The following OPRM1 variants were observed in gnomAD, a reference collection of about 807,000 sequenced individuals.
The protein encoded by OPRM1 is opioid receptor mu 1, also known as mu-type opioid receptor.
Under a neutral mutation model 31.8 loss-of-function variants are expected in OPRM1, and 27 were observed. The observed-to-expected ratio is 0.85, with a 90% confidence interval of 0.63 to 1.17. The LOEUF is 1.17. Ranked by LOEUF, OPRM1 falls within the 50% of genes most tolerant of loss-of-function variation. OPRM1 has a pLI of 0.00. For missense variants in OPRM1, 536 were observed against 511.1 expected (o/e 1.05, Z -0.47); for synonymous variants, 196 against 189.9 (o/e 1.03, Z -0.26).
chr6:154,159,714 T>C, intron 3 of OPRM1: 1 of 760,220 alleles, frequency 1.3e-6, no homozygotes, highest in South Asian at 1.6e-5. Context: ...GATGGGAAGC[T>C]GATGCTTGAA....
intron 3 of OPRM1, among the ~76,000 whole-genome samples, chr6:154,152,370 A>AAGAAAGAAAGAAAGAAAG (rs1798554699): frequency 4.7e-5 from 7 of 148,492 alleles, no homozygotes; most frequent in African/African-American, 1.8e-4. Context: ...GAAAGAAAGA[A>AAGAAAGAAAGAAAGAAAG]AGAAAGAAAG....
chr6:154,223,395 G>C (rs1220561489), intron 3 of OPRM1: 14 of 660,704 alleles, frequency 2.1e-5, no homozygotes, highest in Non-Finnish European at 3.5e-5. Flanking sequence ...AGGTGTCCCA[G>C]ATACACAGCT....
intron 3 of OPRM1, chr6:154,159,145 A>G (rs950737088): frequency 6.6e-6 from 1 of 152,280 alleles, no homozygotes; most frequent in African/African-American, 2.4e-5. Context: ...AGCTGTTGTA[A>G]GGAAAGGAAA....
chr6:154,223,287 C>G, intron 3 of OPRM1: 1 of 1,457,056 alleles, frequency 6.9e-7, no homozygotes, highest in Non-Finnish European at 9.6e-7. Flanking sequence ...TGCATCAATC[C>G]TGGGGATTAG....
intron 1 of OPRM1, among the ~76,000 whole-genome samples, chr6:154,046,465 T>C (rs1006293060): frequency 3.3e-5 from 5 of 152,174 alleles, no homozygotes; most frequent in African/African-American, 4.8e-5. Flanking sequence ...AAACAAAAAA[T>C]CCTGCCACTC....
chr6:154,101,949 AT>A (rs1243820796), intron 3 of OPRM1, among the ~76,000 whole-genome samples: 2 of 152,138 alleles, frequency 1.3e-5, no homozygotes, highest in South Asian at 2.1e-4. Context: ...TATTTATTTT[AT>A]TTTTTTGGAG....
At chr6:154,061,297 A>G (rs1784365311) in intron 1 of OPRM1, among the ~76,000 whole-genome samples, 1 of 152,188 alleles carries the variant, frequency 6.6e-6, no homozygotes, top group Admixed American at 6.5e-5. Context: ...CTACATGAGC[A>G]TTAAGTACTC....
At chr6:154,192,327 TGTG>T (rs1801971094) in intron 3 of OPRM1, among the ~76,000 whole-genome samples, 2 of 142,322 alleles carry the variant, frequency 1.4e-5, no homozygotes, top group Non-Finnish European at 3.0e-5. Context: ...ACTGTGTGTG[TGTG>T]TGTGTGTGTG....
At chr6:154,086,491 A>G (rs1790603324) in intron 1 of OPRM1, 2 of 649,042 alleles carry the variant, frequency 3.1e-6, no homozygotes, top group Non-Finnish European at 3.8e-6. Flanking sequence ...TTTGAAATGT[A>G]TACACATTGT....
chr6:154,219,244 G>A (rs531134258), intron 3 of OPRM1: 1 of 152,312 alleles, frequency 6.6e-6, no homozygotes, highest in Admixed American at 6.5e-5. Flanking sequence ...TGTAGGAGGA[G>A]AAATTCACTA....
intron 1 of OPRM1, among the ~76,000 whole-genome samples, chr6:154,077,032 A>G (rs1415289322): frequency 6.6e-6 from 1 of 152,156 alleles, no homozygotes; most frequent in Admixed American, 6.5e-5. Flanking sequence ...AAAAGCAGGC[A>G]AAAAAGTCCT....
chr6:154,185,240 G>A (rs1011901287), intron 3 of OPRM1, among the ~76,000 whole-genome samples: 2 of 152,112 alleles, frequency 1.3e-5, no homozygotes, highest in Non-Finnish European at 2.9e-5. Flanking sequence ...CAAGGAGGAG[G>A]GTCTTCTGTA....
At chr6:154,220,313 A>C (rs1452902971) in intron 3 of OPRM1, among the ~76,000 whole-genome samples, 2 of 152,182 alleles carry the variant, frequency 1.3e-5, no homozygotes, top group Admixed American at 1.3e-4. Flanking sequence ...TAAATCAAAG[A>C]GAATGCCCTC....
At chr6:154,192,541 C>T (rs893657442) in intron 3 of OPRM1, among the ~76,000 whole-genome samples, 3 of 151,982 alleles carry the variant, frequency 2.0e-5, no homozygotes, top group African/African-American at 7.3e-5. Context: ...AGCTTCTGCA[C>T]AGCAAAAGAA....
At chr6:154,238,930 TA>T (rs945093954) in intron 3 of OPRM1, among the ~76,000 whole-genome samples, 270 of 147,340 alleles carry the variant, frequency 1.8e-3, no homozygotes, top group African/African-American at 5.6e-3. Flanking sequence ...TTGTTTTTTT[TA>T]AAAAAAAAAA....
intron 3 of OPRM1, among the ~76,000 whole-genome samples, chr6:154,104,959 G>A (rs915436927): frequency 6.6e-6 from 1 of 152,128 alleles, no homozygotes; most frequent in African/African-American, 2.4e-5. Context: ...CTTACCATAG[G>A]TCAGAAACCC....
rs9282816 is a variant in OPRM1, at chr6:154,039,514, G to A, written c.-31G>A. On this transcript the variant is annotated 5_prime_UTR_variant, in exon 1 of 4. Coordinates refer to ENST00000330432, the MANE Select transcript of OPRM1 (RefSeq NM_000914.5). ...AAGTCTCGGTGCTCCTGGCTACCTC[G>A]CACAGCGGTGCCCGCCCGGCCGTCA... The A allele has an allele frequency of 1.6e-5, 25 of 1,590,018 alleles. No individual in the cohort carries two copies. The East Asian group carries it at 5.0e-4, about 32-fold the overall frequency.
At position 154,127,064 on chromosome 6, in the gene OPRM1, G is replaced by A. The variant is rs182733961; in HGVS notation, c.*8343G>A. Among the ~76,000 whole-genome samples the A allele has an allele frequency of 1.4e-3, 214 of 148,848 alleles. No homozygotes were observed. In the Middle Eastern group the frequency reaches 0.032, roughly 22 times the overall value. On this transcript the variant is annotated 3_prime_UTR_variant, in exon 4 of 4. Coordinates refer to ENST00000330432, the MANE Select transcript of OPRM1 (RefSeq NM_000914.5). ...GCGGAAGTTGCAGTGAGCCAAGATC[G>A]CAGCATTGCACTCCAGCCTGGGCAA...
intron 3 of OPRM1, 23 bp from the exon 4 acceptor site, chr6:154,118,660 C>A (rs1283303427): frequency 6.2e-7 from 1 of 1,611,814 alleles, no homozygotes; most frequent in African/African-American, 1.3e-5. Flanking sequence ...TGTTCACTGT[C>A]TTTGCTCTTT....
Sources: allele counts gnomAD v4.1 joint callset (sites outside exome capture counted in the v4.1 genomes callset), GRCh38; gene constraint gnomAD v4.1.1; transcripts MANE v1.5; gene names NCBI Gene and HGNC (gene_info 2026-07-23, HGNC 2026-07-21).